Variants in SLCO3A1 observed in about 807,000 individuals in gnomAD.
SLCO3A1 encodes the protein solute carrier organic anion transporter family member 3A1.
A neutral mutation model predicts 63.1 loss-of-function variants in SLCO3A1; 27 were observed. The observed-to-expected ratio is 0.43, with a 90% CI of 0.32 to 0.59. SLCO3A1 has a LOEUF of 0.59. Among genes scored for constraint, SLCO3A1 ranks in the 20% least tolerant of loss-of-function variants. SLCO3A1 has a pLI of 0.09. For synonymous variants in SLCO3A1, 473 were observed against 409.9 expected (o/e 1.15, Z -1.86); for missense variants, 773 against 945.8 (o/e 0.82, Z 2.40).
At chr15:91,934,349 G>A (rs976362605) in intron 2 of SLCO3A1, among the ~76,000 whole-genome samples, 3 of 152,176 alleles carry the variant, frequency 2.0e-5, no homozygotes, top group Admixed American at 6.5e-5. Flanking sequence ...GCTAGGCAGT[G>A]AATGGTCAGG....
chr15:92,102,948 A>G (rs535786056), intron 3 of SLCO3A1, among the ~76,000 whole-genome samples: 3 of 152,350 alleles, frequency 2.0e-5, no homozygotes, highest in Admixed American at 6.5e-5. Context: ...TACTCCATCT[A>G]TAGAAAACAG....
intron 9 of SLCO3A1, among the ~76,000 whole-genome samples, chr15:92,159,105 C>T (rs1435049553): frequency 6.6e-6 from 1 of 152,176 alleles, no homozygotes; most frequent in South Asian, 2.1e-4. Context: ...CCTTACCAGG[C>T]AGGGTGGTAT....
intron 2 of SLCO3A1, among the ~76,000 whole-genome samples, chr15:91,962,063 C>T (rs1347103279): frequency 6.6e-6 from 1 of 152,216 alleles, no homozygotes; most frequent in African/African-American, 2.4e-5. Context: ...GGTCCTGATG[C>T]AGCCATCTCA....
chr15:91,861,361 C>G (rs1897042217), intron 1 of SLCO3A1, among the ~76,000 whole-genome samples: 1 of 152,186 alleles, frequency 6.6e-6, no homozygotes, highest in Admixed American at 6.5e-5. Flanking sequence ...TGACTCCCAA[C>G]TTCTTTATTT....
chr15:91,931,788 A>AAAACACAC, intron 2 of SLCO3A1, among the ~76,000 whole-genome samples: 1 of 144,216 alleles, frequency 6.9e-6, no homozygotes, highest in African/African-American at 2.5e-5. Flanking sequence ...TAAGTGTGGA[A>AAAACACAC]ACACACACAC....
At chr15:91,983,336 A>AC (rs1274786153) in intron 2 of SLCO3A1, among the ~76,000 whole-genome samples, 4 of 152,162 alleles carry the variant, frequency 2.6e-5, no homozygotes, top group African/African-American at 9.7e-5. Context: ...GACCCTGAGA[A>AC]TTACCCGAGT....
At chr15:91,901,216 C>A (rs1241947429) in intron 1 of SLCO3A1, among the ~76,000 whole-genome samples, 4 of 152,150 alleles carry the variant, frequency 2.6e-5, no homozygotes, top group Admixed American at 6.5e-5. Flanking sequence ...TACTTCAGAT[C>A]AGTACTAAAA....
rs546850703 is a variant in SLCO3A1 at position 92,171,791 on chromosome 15, C to T, written c.2008C>T (p.Gln670Ter). 41 of 1,550,932 alleles carry T rather than the reference C, an allele frequency of 2.6e-5. No homozygotes were observed. Among genetic ancestry groups the T allele is most frequent in the Non-Finnish European group, 3.5e-5 (40 of 1,146,500 alleles). Residue 670 changes from glutamine (Q) to a stop codon, truncating the protein, a stop_gained, in exon 11 of 11, where the codon CAA (glutamine) becomes TAA (stop). Coordinates refer to the SLCO3A1 transcript ENST00000424469. LOFTEE classifies it high-confidence loss of function. ...TCCTCCCCCTTTAGGCACAGAGTAC[C>T]AAGACATTGAGACTGAGAAAACCTG...
At chr15:92,146,259 C>G (rs1018116799) in intron 7 of SLCO3A1, among the ~76,000 whole-genome samples, 1 of 152,348 alleles carries the variant, frequency 6.6e-6, no homozygotes, top group South Asian at 2.1e-4. Context: ...AGGACCCTGT[C>G]TGCAACAGGC....
At position 91,856,365 on chromosome 15, in the gene SLCO3A1, G is replaced by T. The variant is rs930405343; in HGVS notation, c.180+2277G>T. On this transcript the variant is annotated intron_variant, in intron 1 of 9. Coordinates refer to ENST00000318445, the MANE Select transcript of SLCO3A1 (RefSeq NM_013272.4). The surrounding 1 kb of genome is among the most constrained non-coding windows in gnomAD (Gnocchi z 4.9). ...GGCTCTGCTTTGCCCGGCTGCCCTC[G>T]TCTTTGCCTTGCCATCGGAGCCTCA... Among the ~76,000 whole-genome samples, 1 of 152,138 alleles carries T rather than the reference G, an allele frequency of 6.6e-6. No homozygotes were observed. The highest frequency in any genetic ancestry group is 1.5e-5 in the Non-Finnish European group (1 of 68,036).
At position 91,868,807 on chromosome 15, in the gene SLCO3A1, A is replaced by G. The variant is rs374693930; in HGVS notation, c.180+14719A>G. Among the ~76,000 whole-genome samples, 15 of 152,314 alleles carry G rather than the reference A, an allele frequency of 9.8e-5. No homozygotes were observed. In the East Asian group the frequency reaches 1.2e-3, roughly 12 times the overall value. ...TGTGCTACTGTCGTGATTTTTAAAAAGTAATAAAATTGGATCTCACTATAA... is the reference window on the plus strand; with the variant it reads ...TGTGCTACTGTCGTGATTTTTAAAAGGTAATAAAATTGGATCTCACTATAA... On this transcript the variant is annotated intron_variant, in intron 1 of 9. Transcript: ENST00000318445.
chr15:92,112,203 C>T (rs1407318814), intron 4 of SLCO3A1, among the ~76,000 whole-genome samples: 1 of 152,198 alleles, frequency 6.6e-6, no homozygotes, highest in Non-Finnish European at 1.5e-5. Context: ...AGCAGAGACA[C>T]ATGGACAGGA....
chr15:92,062,033 G>A (rs1055763549), intron 2 of SLCO3A1, among the ~76,000 whole-genome samples: 1 of 152,248 alleles, frequency 6.6e-6, no homozygotes, highest in South Asian at 2.1e-4. Flanking sequence ...ACTGCCTTAC[G>A]TCACTACATG....
intron 9 of SLCO3A1, among the ~76,000 whole-genome samples, chr15:92,154,848 G>T (rs1391973319): frequency 2.6e-5 from 4 of 152,128 alleles, no homozygotes; most frequent in African/African-American, 7.2e-5. Context: ...AGAAAGGAGA[G>T]AGGACAAAGA....
chr15:91,997,023 A>G (rs911341391), intron 2 of SLCO3A1, among the ~76,000 whole-genome samples: 2 of 152,212 alleles, frequency 1.3e-5, no homozygotes, highest in African/African-American at 4.8e-5. Context: ...GGCAGGAGAA[A>G]GAAATAAAAG....
chr15:91,970,540 C>T (rs773004698), intron 2 of SLCO3A1, among the ~76,000 whole-genome samples: 6 of 152,124 alleles, frequency 3.9e-5, no homozygotes, highest in Non-Finnish European at 7.4e-5. Flanking sequence ...GGAGGTGCTC[C>T]TGGAGAATGA....
intron 2 of SLCO3A1, among the ~76,000 whole-genome samples, chr15:92,082,852 T>A (rs2047363216): frequency 6.6e-6 from 1 of 152,142 alleles, no homozygotes; most frequent in South Asian, 2.1e-4. Context: ...AGGAACTAGG[T>A]CCCGGAGTCC....
intron 2 of SLCO3A1, among the ~76,000 whole-genome samples, chr15:92,027,899 C>T (rs572708186): frequency 2.0e-5 from 3 of 152,272 alleles, no homozygotes; most frequent in South Asian, 2.1e-4. Flanking sequence ...AGGTAAGGCA[C>T]GAATGTGCAA....
intron 2 of SLCO3A1, among the ~76,000 whole-genome samples, chr15:92,038,980 C>T (rs896846883): frequency 2.0e-5 from 3 of 152,074 alleles, no homozygotes; most frequent in Admixed American, 2.0e-4. Flanking sequence ...CTTCAAGAAA[C>T]GGGACAAAAG....
Sources: allele counts gnomAD v4.1 joint callset (sites outside exome capture counted in the v4.1 genomes callset), GRCh38; gene constraint gnomAD v4.1.1; non-coding constraint Gnocchi (gnomAD v3.1); transcripts MANE v1.5; gene names NCBI Gene and HGNC (gene_info 2026-07-23, HGNC 2026-07-21).